PPP2R1B: variants seen among roughly 807,000 people sequenced by gnomAD.
PPP2R1B encodes the protein protein phosphatase 2 scaffold subunit Abeta.
A neutral mutation model predicts 72.7 loss-of-function variants in PPP2R1B; 58 were observed. The ratio of observed to expected loss-of-function variants is 0.80; its 90% CI spans 0.65 to 0.99. PPP2R1B has a LOEUF of 0.99. PPP2R1B is among the 50% of genes least tolerant of loss of function. The pLI is 0.00. For missense variants in PPP2R1B, 695 were observed against 733.6 expected (o/e 0.95, Z 0.61); for synonymous variants, 256 against 264.6 (o/e 0.97, Z 0.32).
the PPP2R1B span, chr11:111,701,072 C>A: frequency 6.4e-7 from 1 of 1,566,642 alleles, no homozygotes; most frequent in Non-Finnish European, 8.7e-7. This position sits in a 1 kb window ranked among gnomAD's most constrained non-coding sequence, Gnocchi z 4.2. Flanking sequence ...GGTGTTCTGG[C>A]CCATCTTAGA....
chr11:111,705,045 G>A, the PPP2R1B span: 8 of 1,610,798 alleles, frequency 5.0e-6, no homozygotes, highest in Middle Eastern at 1.6e-4. The surrounding 1 kb of genome is among the most constrained non-coding windows in gnomAD (Gnocchi z 4.3). Flanking sequence ...TTGGTGGAGC[G>A]CCTGAAATCA....
intron 9 of PPP2R1B, among the ~76,000 whole-genome samples, chr11:111,752,980 A>AACAT (rs2136080228): frequency 6.6e-6 from 1 of 151,626 alleles, no homozygotes; most frequent in South Asian, 2.1e-4. Context: ...AAAACAAACA[A>AACAT]ACAAACAAAC....
At chr11:111,722,537 A>AAG, downstream of PPP2R1B, 2 of 869,622 alleles carry the variant, frequency 2.3e-6, no homozygotes, top group Non-Finnish European at 3.6e-6. This position sits in a 1 kb window ranked among gnomAD's most constrained non-coding sequence, Gnocchi z 4.4. Context: ...AGTAAATGTC[A>AAG]GTCCCTTCAC....
the PPP2R1B span, chr11:111,705,279 G>C: frequency 3.6e-6 from 3 of 831,808 alleles, no homozygotes; most frequent in Non-Finnish European, 5.0e-6. The surrounding 1 kb of genome is among the most constrained non-coding windows in gnomAD (Gnocchi z 4.3). Flanking sequence ...CCATTCACTA[G>C]ATTCTCAAAT....
At chr11:111,721,603 C>T in the PPP2R1B span, among the ~76,000 whole-genome samples, 10 of 152,286 alleles carry the variant, frequency 6.6e-5, no homozygotes, top group East Asian at 1.2e-3. Context: ...CACCAAGAGT[C>T]TTTGCTCTAG....
Position 111,739,522 on chromosome 11 carries a change from C to G in PPP2R1B, c.*2074G>C. The G allele has an allele frequency of 1.0e-6, 1 of 985,422 alleles. No individual in the cohort carries two copies. Among genetic ancestry groups the G allele is most frequent in the Non-Finnish European group, 1.2e-6 (1 of 829,952 alleles). 61.0% of individuals were successfully genotyped at this position (985,422 alleles called of 1,614,324 possible). ...ACAGAGGCCCCGCTGAACCCCCGAC[C>G]CATGCTTGAGAAAGCCAGGGCCCAC... On this transcript the variant is annotated 3_prime_UTR_variant, in exon 15 of 15. Transcript: ENST00000527614.
At chr11:111,707,633 G>A in the PPP2R1B span, among the ~76,000 whole-genome samples, 1 of 152,136 alleles carries the variant, frequency 6.6e-6, no homozygotes, top group African/African-American at 2.4e-5. Flanking sequence ...TGTTGAATTT[G>A]TTAAAAAATA....
chr11:111,737,234 G>A (rs1195777868), downstream of PPP2R1B, among the ~76,000 whole-genome samples: 3 of 152,130 alleles, frequency 2.0e-5, no homozygotes, highest in Non-Finnish European at 4.4e-5. Flanking sequence ...TCTGGCCGGC[G>A]ACCCACCTCT....
intron 12 of PPP2R1B, 65 bp from the exon 13 acceptor site, chr11:111,742,730 A>G: frequency 7.2e-7 from 1 of 1,382,344 alleles, no homozygotes; most frequent in South Asian, 1.6e-5. Flanking sequence ...TAATGAAACA[A>G]ATTAATATTT....
downstream of PPP2R1B, chr11:111,737,601 C>T (rs777681879): frequency 1.2e-6 from 2 of 1,613,766 alleles, no homozygotes; most frequent in Non-Finnish European, 1.7e-6. Flanking sequence ...CTGTAACTGT[C>T]CCTGACCAGG....
rs542889889 is a variant in PPP2R1B, at chr11:111,742,684, T to C, written c.1555-19A>G. The C allele has an allele frequency of 2.4e-5, 38 of 1,579,212 alleles. No homozygotes were observed. Among genetic ancestry groups the C allele is most frequent in the South Asian group, 2.2e-4 (19 of 84,824 alleles). On this transcript the variant is annotated intron_variant, in intron 12 of 14. Transcript: ENST00000527614. ...ACAGTGCCTAGAAAAATAAGTAAGA[T>C]GGCACATTTAAAATACTTTAAAAAA...
At chr11:111,695,681 G>A in the PPP2R1B span, among the ~76,000 whole-genome samples, 1 of 152,186 alleles carries the variant, frequency 6.6e-6, no homozygotes, top group Non-Finnish European at 1.5e-5. Flanking sequence ...AATGTACTGA[G>A]TCAGAATCTG....
the PPP2R1B span, among the ~76,000 whole-genome samples, chr11:111,720,292 C>G: frequency 3.3e-5 from 5 of 152,138 alleles, no homozygotes; most frequent in African/African-American, 1.2e-4. Context: ...GATGCCACTT[C>G]TGGAGTGTTT....
At chr11:111,703,164 G>T in the PPP2R1B span, 8 of 1,586,842 alleles carry the variant, frequency 5.0e-6, no homozygotes, top group Non-Finnish European at 4.3e-6. Flanking sequence ...GAAGTGCAAG[G>T]TGATTCTTGT....
chr11:111,748,096 C>A, intron 10 of PPP2R1B, 82 bp from the exon 11 acceptor site: 1 of 1,291,710 alleles, frequency 7.7e-7, no homozygotes, highest in South Asian at 1.3e-5. Context: ...ACCAAGGTTA[C>A]CTGAAGGCTA....
In PPP2R1B at chr11:111,741,113, G is replaced by A. The variant is rs1944502473; in HGVS notation, c.*483C>T. ...TTCAGGAAAATGTGGCTTTCATTAC[G>A]GTCAAATCTCAACATGTCTCCCGAA... On this transcript the variant is annotated 3_prime_UTR_variant, in exon 15 of 15. Coordinates refer to ENST00000527614, the MANE Select transcript of PPP2R1B (RefSeq NM_002716.5). The A allele has an allele frequency of 1.2e-5, 12 of 987,668 alleles. No homozygotes were observed. Among genetic ancestry groups the A allele is most frequent in the Middle Eastern group, 5.2e-4 (1 of 1,940 alleles). The allele number at this position is 987,668 out of a possible 1,614,324, so 61.2% of individuals were successfully genotyped here.
chr11:111,759,940 G>C lies in PPP2R1B; in HGVS notation c.551C>G (p.Ser184Cys). The C allele has an allele frequency of 6.2e-7, 1 of 1,613,516 alleles. No individual in the cohort carries two copies. The highest frequency in any genetic ancestry group is 1.7e-5 in the Admixed American group (1 of 59,926). Reference sequence around the variant, plus strand: ...CATTGGTGTGTCATCTGAGCACAAGGAACGGAATTGCCTGCAACATAAAAC... The same window carrying C: ...CATTGGTGTGTCATCTGAGCACAAGCAACGGAATTGCCTGCAACATAAAAC... ...VKAEIRQQFR[S>C]LCSDDTPMVR... The change falls in exon 5 of 15, where the codon TCC becomes TGC. Residue 184 changes from serine to cysteine, a missense_variant. Transcript: ENST00000527614.
chr11:111,713,152 G>A, the PPP2R1B span, among the ~76,000 whole-genome samples: 1 of 152,002 alleles, frequency 6.6e-6, no homozygotes, highest in Admixed American at 6.6e-5. Flanking sequence ...GTGACAGAGT[G>A]AGACTCCATC....
At position 111,752,336 on chromosome 11, in the gene PPP2R1B, C is replaced by G. The variant is rs1261459805; in HGVS notation, c.1165-4G>C. On this transcript the variant is annotated splice_region_variant and splice_polypyrimidine_tract_variant and intron_variant, in intron 9 of 14. Coordinates refer to ENST00000527614, the MANE Select transcript of PPP2R1B (RefSeq NM_002716.5). ...TATTCAAACGAACGTCAGGACACTG[C>G]AAGTACACAAGCCCCAAAAGACCAC... 6.3e-7 allele frequency: 1 copy of G among 1,597,924 alleles called. No individual in the cohort carries two copies. Among genetic ancestry groups the G allele is most frequent in the Non-Finnish European group, 8.5e-7 (1 of 1,171,640 alleles).
Sources: allele counts gnomAD v4.1 joint callset (sites outside exome capture counted in the v4.1 genomes callset), GRCh38; gene constraint gnomAD v4.1.1; non-coding constraint Gnocchi (gnomAD v3.1); transcripts MANE v1.5; gene names NCBI Gene and HGNC (gene_info 2026-07-23, HGNC 2026-07-21).